Variants in SMAP1 observed in about 807,000 individuals in gnomAD.
SMAP1 encodes the protein stromal membrane-associated protein 1.
A neutral mutation model predicts 58.5 loss-of-function variants in SMAP1; 24 were observed. The ratio of observed to expected loss-of-function variants is 0.41; its 90% CI spans 0.30 to 0.58. SMAP1 has a LOEUF of 0.58. Among genes scored for constraint, SMAP1 ranks in the 20% least tolerant of loss-of-function variants. SMAP1 has a pLI of 0.29. For synonymous variants in SMAP1, 216 were observed against 196.6 expected (o/e 1.10, Z -0.82); for missense variants, 563 against 566.3 (o/e 0.99, Z 0.06).
chr6:70,798,696 A>G lies in SMAP1; in HGVS notation c.535A>G (p.Lys179Glu). Residue 179 changes from lysine to glutamate, a missense_variant, in exon 6 of 11, where the codon AAG becomes GAG. Transcript: ENST00000370455. ...EKKKEEKKREKEPEKPAKPLT... is the reference protein window; with the variant it reads ...EKKKEEKKREEEPEKPAKPLT... ...AAAAAAGGAAGAGAAAAAGAGAGAA[A>G]AGGAGCCAGAAAAGCCGGCAAAACC... 1.9e-6 allele frequency: 3 copies of G among 1,561,556 alleles called. No homozygotes were observed. In the Admixed American group the frequency reaches 5.5e-5, roughly 29 times the overall value.
chr6:70,705,732 G>A (rs556621062), intron 1 of SMAP1, among the ~76,000 whole-genome samples: 7 of 152,236 alleles, frequency 4.6e-5, no homozygotes, highest in East Asian at 3.9e-4. Flanking sequence ...CAGGTATAGC[G>A]TTCTTATTGT....
chr6:70,698,021 C>T (rs1767482446), intron 1 of SMAP1, among the ~76,000 whole-genome samples: 1 of 152,094 alleles, frequency 6.6e-6, no homozygotes, highest in African/African-American at 2.4e-5. Context: ...AAGATGATTT[C>T]TTATTGCTCG....
At chr6:70,682,673 C>T (rs1562090298) in intron 1 of SMAP1, among the ~76,000 whole-genome samples, 1 of 151,908 alleles carries the variant, frequency 6.6e-6, no homozygotes, top group Non-Finnish European at 1.5e-5. Flanking sequence ...AAAGAGTATA[C>T]CAGATTAAAA....
intron 4 of SMAP1, among the ~76,000 whole-genome samples, chr6:70,787,341 A>T (rs1768095196): frequency 2.0e-5 from 3 of 152,244 alleles, no homozygotes; most frequent in African/African-American, 4.8e-5. Flanking sequence ...AAAACCATAA[A>T]AGCCCTAGAA....
intron 1 of SMAP1, among the ~76,000 whole-genome samples, chr6:70,725,691 G>T (rs1768750929): frequency 6.6e-6 from 1 of 152,186 alleles, no homozygotes. Context: ...TTACATCTCA[G>T]TTGATTTTGC....
intron 4 of SMAP1, among the ~76,000 whole-genome samples, chr6:70,786,158 C>T (rs1325148671): frequency 6.6e-6 from 1 of 151,730 alleles, no homozygotes; most frequent in African/African-American, 2.4e-5. Flanking sequence ...ATACACAAAT[C>T]AATAAATGTA....
chr6:70,820,704 C>CG (rs1245458830), intron 6 of SMAP1, among the ~76,000 whole-genome samples: 3 of 144,884 alleles, frequency 2.1e-5, no homozygotes, highest in Non-Finnish European at 4.5e-5. Flanking sequence ...GACTCCATCT[C>CG]GGAAAAAAAA....
chr6:70,852,921 A>G (rs1025085190), intron 8 of SMAP1, among the ~76,000 whole-genome samples: 1 of 152,184 alleles, frequency 6.6e-6, no homozygotes, highest in Non-Finnish European at 1.5e-5. Context: ...AATATTAAAA[A>G]CAGAGAATGT....
At chr6:70,782,861 C>T (rs68097508) in intron 4 of SMAP1, among the ~76,000 whole-genome samples, 21,654 of 152,178 alleles carry the variant, frequency 0.14, 2,070 homozygotes, top group East Asian at 0.31. Flanking sequence ...GGAACAGCTC[C>T]GGTCTACAGC....
At chr6:70,853,998 C>CT (rs760255644) in intron 8 of SMAP1, among the ~76,000 whole-genome samples, 8 of 152,318 alleles carry the variant, frequency 5.3e-5, no homozygotes, top group African/African-American at 1.2e-4. Context: ...GATCCCACCT[C>CT]TGAGGTTTCA....
chr6:70,769,147 T>G (rs561932760), intron 3 of SMAP1, among the ~76,000 whole-genome samples: 1 of 152,346 alleles, frequency 6.6e-6, no homozygotes, highest in South Asian at 2.1e-4. Context: ...CTTTTACATT[T>G]GCTGAGGAGA....
intron 3 of SMAP1, among the ~76,000 whole-genome samples, chr6:70,761,454 T>G (rs1293763929): frequency 6.6e-6 from 1 of 152,102 alleles, no homozygotes; most frequent in Non-Finnish European, 1.5e-5. Context: ...TCAGTATAAC[T>G]AAGTCCTTAT....
intron 3 of SMAP1, among the ~76,000 whole-genome samples, chr6:70,768,915 G>T (rs1767134439): frequency 6.6e-6 from 1 of 151,786 alleles, no homozygotes; most frequent in Non-Finnish European, 1.5e-5. Context: ...TCTACACACT[G>T]CTTTGAATGT....
chr6:70,693,298 C>CTT lies in SMAP1; in HGVS notation c.118+25180_118+25181dup, dbSNP rs55693339. The stretch of plus-strand genomic sequence containing the variant: ...GGATTTCTGTGAAGAATGTCATCTT[C>CTT]TTTTTTTTTTTTTTTTTTTTTTTTA... On this transcript the variant is annotated intron_variant, in intron 1 of 10. Coordinates refer to ENST00000370455, the MANE Select transcript of SMAP1 (RefSeq NM_001044305.3). 6.3e-3 allele frequency among the ~76,000 whole-genome samples: 687 copies of CTT among 109,586 alleles called. 7 individuals carry two copies. Among genetic ancestry groups the CTT allele is most frequent in the Non-Finnish European group, 9.8e-3 (546 of 55,816 alleles). The allele number at this position is 109,586 out of a possible 152,430, so 71.9% of individuals were successfully genotyped here.
intron 6 of SMAP1, among the ~76,000 whole-genome samples, chr6:70,829,543 G>C (rs1248691538): frequency 6.6e-6 from 1 of 152,192 alleles, no homozygotes; most frequent in Non-Finnish European, 1.5e-5. Context: ...CCATGGTGCA[G>C]GGCAAGGAAC....
intron 1 of SMAP1, among the ~76,000 whole-genome samples, chr6:70,701,725 G>C (rs1034423379): frequency 1.3e-5 from 2 of 152,278 alleles, no homozygotes; most frequent in African/African-American, 4.8e-5. Flanking sequence ...TACAGCTGCT[G>C]TCCAGGGGGT....
At chr6:70,670,480 A>G (rs1380476522) in intron 1 of SMAP1, among the ~76,000 whole-genome samples, 1 of 152,208 alleles carries the variant, frequency 6.6e-6, no homozygotes, top group Non-Finnish European at 1.5e-5. Flanking sequence ...GTAAGGTTGA[A>G]GTACATTATG....
chr6:70,812,803 G>A (rs183614145), intron 6 of SMAP1, among the ~76,000 whole-genome samples: 38 of 152,222 alleles, frequency 2.5e-4, no homozygotes, highest in African/African-American at 8.9e-4. Context: ...AACCGGAATA[G>A]AGACTGTCTT....
At chr6:70,760,774 T>C (rs892324728) in intron 3 of SMAP1, among the ~76,000 whole-genome samples, 3 of 152,086 alleles carry the variant, frequency 2.0e-5, no homozygotes, top group African/African-American at 4.8e-5. Flanking sequence ...TGGGACCTCA[T>C]TGCATTCTTA....
Sources: gnomAD v4.1 joint callset for allele counts (sites outside exome capture counted in the v4.1 genomes callset) on GRCh38, gnomAD v4.1.1 for gene constraint, MANE v1.5 for transcripts, NCBI Gene and HGNC (gene_info 2026-07-23, HGNC 2026-07-21) for gene names.